The following DCAF5 variants were observed in gnomAD, a reference collection of about 807,000 sequenced individuals.
The protein encoded by DCAF5 is DDB1- and CUL4-associated factor 5.
DCAF5 carries 9 observed loss-of-function variants against 80.7 expected under a neutral mutation model. That is an observed-to-expected ratio of 0.11 (90% CI 0.07 to 0.19). The LOEUF is 0.19. Among genes scored for constraint, DCAF5 ranks in the 10% least tolerant of loss-of-function variants. The pLI is 1.00. For missense variants in DCAF5, 842 were observed against 1,205.7 expected (o/e 0.70, Z 4.47); for synonymous variants, 433 against 461.9 (o/e 0.94, Z 0.80).
chr14:69,056,699 A>ACCAAGACTTCGTTTCC (rs1210122010), intron 8 of DCAF5, among the ~76,000 whole-genome samples: 1 of 152,096 alleles, frequency 6.6e-6, no homozygotes, highest in East Asian at 1.9e-4. Context: ...CTTCATCTAG[A>ACCAAGACTTCGTTTCC]CCAAGACTTC....
rs766016283 is a variant in DCAF5 at position 69,075,421 on chromosome 14, C to CA, written c.880-11dup. ...AGCCCGAAAGGATATACTGTTGGAA[C>CA]AAAAAATATATAGATAACATTATAT... On this transcript the variant is annotated splice_polypyrimidine_tract_variant and intron_variant, in intron 6 of 8. Coordinates refer to ENST00000341516, the MANE Select transcript of DCAF5 (RefSeq NM_003861.3). 1.3e-6 allele frequency: 2 copies of CA among 1,551,106 alleles called. No homozygotes were observed. Among genetic ancestry groups the CA allele is most frequent in the Non-Finnish European group, 1.8e-6 (2 of 1,136,346 alleles).
intron 2 of DCAF5, among the ~76,000 whole-genome samples, chr14:69,121,988 GAAAT>G (rs996931306): frequency 2.9e-4 from 44 of 151,928 alleles, no homozygotes; most frequent in African/African-American, 1.0e-3. Context: ...CTGCCAAAGA[GAAAT>G]AAAGAAAAAG....
intron 1 of DCAF5, among the ~76,000 whole-genome samples, chr14:69,129,257 G>C (rs1413780082): frequency 2.0e-5 from 3 of 152,122 alleles, no homozygotes. Context: ...CCTGCCTCTT[G>C]ACTTTGCCCT....
At chr14:69,063,858 C>T (rs535089574) in intron 7 of DCAF5, among the ~76,000 whole-genome samples, 18 of 152,324 alleles carry the variant, frequency 1.2e-4, no homozygotes, top group Non-Finnish European at 2.1e-4. Flanking sequence ...GCTTTAGGTG[C>T]TCAATCTATT....
At chr14:69,148,085 G>GA (rs2041593198) in intron 1 of DCAF5, among the ~76,000 whole-genome samples, 2 of 110,984 alleles carry the variant, frequency 1.8e-5, no homozygotes, top group Non-Finnish European at 3.5e-5. Flanking sequence ...AGCCCTAAAA[G>GA]ATGTTCATTT....
chr14:69,099,593 A>C (rs996026968), intron 5 of DCAF5, among the ~76,000 whole-genome samples: 1 of 152,136 alleles, frequency 6.6e-6, no homozygotes, highest in Non-Finnish European at 1.5e-5. Flanking sequence ...TCATGTAAGG[A>C]TCCAACAAGA....
intron 6 of DCAF5, among the ~76,000 whole-genome samples, chr14:69,088,059 C>A (rs924719812): frequency 1.3e-5 from 2 of 152,050 alleles, no homozygotes; most frequent in Non-Finnish European, 2.9e-5. Context: ...AAATCGGAGG[C>A]CCTGACAACA....
At chr14:69,075,854 A>C (rs1473347861) in intron 6 of DCAF5, among the ~76,000 whole-genome samples, 1 of 152,194 alleles carries the variant, frequency 6.6e-6, no homozygotes, top group Non-Finnish European at 1.5e-5. Context: ...AAATGGGCAT[A>C]TATTTATAAG....
At chr14:69,137,121 T>C (rs186445898) in intron 1 of DCAF5, among the ~76,000 whole-genome samples, 2 of 152,344 alleles carry the variant, frequency 1.3e-5, no homozygotes, top group Non-Finnish European at 2.9e-5. Flanking sequence ...GGGAGGCCTA[T>C]CTTGTAAGTA....
chr14:69,080,720 T>C (rs1168944217), intron 6 of DCAF5, among the ~76,000 whole-genome samples: 1 of 152,214 alleles, frequency 6.6e-6, no homozygotes, highest in African/African-American at 2.4e-5. Context: ...AGAAACATAG[T>C]AGAAAAATTG....
At position 69,054,529 on chromosome 14, in the gene DCAF5, C is replaced by T; in HGVS notation, c.2157G>A (p.Arg719=). ...AGCCTTCAGGTGGCAGGTCCTGGTT[C>T]CTCTGGGCCATTGCTATGTTTAGAC... ...EACLNIAMAQ[R]NQDLPPEGCS... The change falls in exon 9 of 9, where the codon AGG becomes AGA. Residue 719 remains arginine (R), a synonymous_variant. Transcript: ENST00000341516. 1 of 1,614,182 alleles carries T rather than the reference C, an allele frequency of 6.2e-7. No homozygotes were observed. The highest frequency in any genetic ancestry group is 8.5e-7 in the Non-Finnish European group (1 of 1,180,036).
At chr14:69,080,447 C>A (rs933776194) in intron 6 of DCAF5, among the ~76,000 whole-genome samples, 2 of 152,188 alleles carry the variant, frequency 1.3e-5, no homozygotes, top group African/African-American at 4.8e-5. Context: ...CAAAGTACTT[C>A]ATCGTATTAA....
Position 69,122,302 on chromosome 14 carries a change from G to C in DCAF5, c.273C>G (p.Val91=), listed in dbSNP as rs2040746469. 6.2e-7 allele frequency: 1 copy of C among 1,613,846 alleles called. No homozygotes were observed. The highest frequency in any genetic ancestry group is 1.3e-5 in the African/African-American group (1 of 74,924). Residue 91 remains valine (V), a synonymous_variant, in exon 2 of 9, where the codon GTC becomes GTG. Transcript: ENST00000341516. Reference sequence around the variant, plus strand: ...GCTCTCCTTTCAGCTGTATGGGCTTGACCCTGGAGTGGATGGCTTGTTCCA... The same window carrying C: ...GCTCTCCTTTCAGCTGTATGGGCTTCACCCTGGAGTGGATGGCTTGTTCCA... ...WHMEQAIHSR[V]KPIQLKGEHH... is the part of the protein sequence containing the mutation.
intron 1 of DCAF5, among the ~76,000 whole-genome samples, chr14:69,150,355 G>C (rs557744734): frequency 2.0e-5 from 3 of 152,220 alleles, no homozygotes; most frequent in Admixed American, 6.5e-5. Flanking sequence ...AGAATCGAAA[G>C]GTCTGCCAGA....
At chr14:69,067,098 T>C (rs941489393) in intron 7 of DCAF5, among the ~76,000 whole-genome samples, 5 of 152,234 alleles carry the variant, frequency 3.3e-5, no homozygotes, top group African/African-American at 2.4e-5. Flanking sequence ...TTGTTCATTG[T>C]TTCCCCTGCT....
intron 8 of DCAF5, among the ~76,000 whole-genome samples, chr14:69,060,591 G>A (rs2038172126): frequency 1.3e-5 from 2 of 152,066 alleles, no homozygotes; most frequent in African/African-American, 4.8e-5. Context: ...GAGTGCAGTG[G>A]CACAATCTTG....
chr14:69,056,330 C>T (rs1434358278), intron 8 of DCAF5, among the ~76,000 whole-genome samples: 1 of 152,140 alleles, frequency 6.6e-6, no homozygotes, highest in East Asian at 1.9e-4. Flanking sequence ...ACACATGCCC[C>T]AAGGACAGGT....
chr14:69,055,621 A>C lies in DCAF5; in HGVS notation c.1075-10T>G. On this transcript the variant is annotated splice_polypyrimidine_tract_variant and intron_variant, in intron 8 of 8. Transcript: ENST00000341516. The surrounding 1 kb of genome is among the most constrained non-coding windows in gnomAD (Gnocchi z 5.6). ...TGTATGGGCTCCAGATCTGAACAGA[A>C]AATGAAAAACAAAAGCAACAAGGAG... 2 of 1,581,654 alleles carry C rather than the reference A, an allele frequency of 1.3e-6. No homozygotes were observed. The highest frequency in any genetic ancestry group is 1.7e-6 in the Non-Finnish European group (2 of 1,158,056).
chr14:69,062,611 T>C lies in DCAF5; in HGVS notation c.947-100A>G, dbSNP rs1310640415. 64 of 1,362,538 alleles carry C rather than the reference T, an allele frequency of 4.7e-5. No homozygotes were observed. In the Admixed American group the frequency reaches 1.0e-3, roughly 22 times the overall value. 84.4% of individuals were successfully genotyped at this position (1,362,538 alleles called of 1,614,324 possible). A position where few individuals can be genotyped will look rare whatever the true frequency, so the allele number is the denominator to read the frequency against. On this transcript the variant is annotated intron_variant, in intron 7 of 8. Coordinates refer to ENST00000341516, the MANE Select transcript of DCAF5 (RefSeq NM_003861.3). ...AACAGCTCTGAATGGGAGCAAAGAT[T>C]TTTGGATTATACCACCAGCAGAATG...
Sources: gnomAD v4.1 joint callset for allele counts (sites outside exome capture counted in the v4.1 genomes callset) on GRCh38, gnomAD v4.1.1 for gene constraint, Gnocchi (gnomAD v3.1) non-coding constraint, MANE v1.5 for transcripts, NCBI Gene and HGNC (gene_info 2026-07-23, HGNC 2026-07-21) for gene names.